The following TAF3 variants were observed in gnomAD, a reference collection of about 807,000 sequenced individuals.
The protein encoded by TAF3 is TATA-box binding protein associated factor 3, also known as transcription initiation factor TFIID subunit 3.
A neutral mutation model predicts 80.6 loss-of-function variants in TAF3; 7 were observed. The ratio of observed to expected loss-of-function variants is 0.09; its 90% CI spans 0.05 to 0.16. The LOEUF (loss-of-function observed/expected upper bound fraction) is 0.16, where lower values mean the gene tolerates loss of function less well. Among genes scored for constraint, TAF3 ranks in the 10% least tolerant of loss-of-function variants. The pLI is 1.00. For synonymous variants in TAF3, 444 were observed against 446.1 expected (o/e 1.00, Z 0.06); for missense variants, 921 against 1,140.2 (o/e 0.81, Z 2.77).
At chr10:7,835,846 T>G (rs1361849934) in intron 2 of TAF3, among the ~76,000 whole-genome samples, 3 of 152,220 alleles carry the variant, frequency 2.0e-5, no homozygotes, top group Admixed American at 1.3e-4. Flanking sequence ...GTCACCTGCA[T>G]GTATTTTGGC....
In TAF3 at chr10:8,014,777, G is replaced by C. The variant is rs754573761; in HGVS notation, c.*26G>C. On this transcript the variant is annotated 3_prime_UTR_variant, in exon 7 of 7. Transcript: ENST00000344293. The stretch of plus-strand genomic sequence containing the variant: ...CGACTCCCGAGGGGCTGGACCAAGC[G>C]GGGTCAGCCCGGGCTTCTTCCCTGG... 5.8e-6 allele frequency: 9 copies of C among 1,554,778 alleles called. No homozygotes were observed. The highest frequency in any genetic ancestry group is 6.1e-6 in the Non-Finnish European group (7 of 1,148,102).
chr10:7,981,089 G>C (rs570857258), intron 4 of TAF3, among the ~76,000 whole-genome samples: 1 of 152,184 alleles, frequency 6.6e-6, no homozygotes. Flanking sequence ...AGGTAAAGGA[G>C]CTTTGTGAGA....
chr10:7,940,635 A>G (rs1026145016), intron 2 of TAF3, among the ~76,000 whole-genome samples: 3 of 152,198 alleles, frequency 2.0e-5, no homozygotes, highest in Non-Finnish European at 2.9e-5. Flanking sequence ...TGTAAAGTAG[A>G]TAAGAAAAAA....
intron 2 of TAF3, among the ~76,000 whole-genome samples, chr10:7,887,733 G>C (rs1837421676): frequency 6.6e-6 from 1 of 151,914 alleles, no homozygotes; most frequent in Admixed American, 6.6e-5. Context: ...AATCGGGGGG[G>C]ATAAAGGAAA....
In TAF3 at chr10:7,897,658, CTCTT is replaced by C. The variant is rs756881657; in HGVS notation, c.410-66244_410-66241del. On this transcript the variant is annotated intron_variant, in intron 2 of 6. Coordinates refer to ENST00000344293, the MANE Select transcript of TAF3 (RefSeq NM_031923.4). Reference sequence around the variant, plus strand: ...CCTAGTTCCTATTCTCTCTCTCTCTCTCTTTCTTTCTTTCTTTCTTTTTTTTTTT... The same window carrying C: ...CCTAGTTCCTATTCTCTCTCTCTCTCTCTTTCTTTCTTTCTTTTTTTTTTT... Among the ~76,000 whole-genome samples the C allele has an allele frequency of 6.2e-3, 935 of 150,768 alleles. 4 individuals carry two copies. Among genetic ancestry groups the C allele is most frequent in the Non-Finnish European group, 9.8e-3 (662 of 67,702 alleles).
intron 2 of TAF3, among the ~76,000 whole-genome samples, chr10:7,961,713 T>C (rs1451191061): frequency 6.6e-6 from 1 of 152,200 alleles, no homozygotes; most frequent in Non-Finnish European, 1.5e-5. Flanking sequence ...AGCTGCCGAG[T>C]AGGCATTGCA....
At chr10:7,970,218 A>G (rs1166293272) in intron 3 of TAF3, among the ~76,000 whole-genome samples, 1 of 152,230 alleles carries the variant, frequency 6.6e-6, no homozygotes, top group African/African-American at 2.4e-5. Flanking sequence ...AACATTTTTT[A>G]TCCTGTTGAT....
chr10:7,880,703 AT>A (rs148420898), intron 2 of TAF3, among the ~76,000 whole-genome samples: 8 of 151,224 alleles, frequency 5.3e-5, no homozygotes, highest in African/African-American at 1.9e-4. Context: ...ATCTAGGTGG[AT>A]TTTTTTTTAG....
chr10:7,918,908 G>A (rs1397918342), intron 2 of TAF3, among the ~76,000 whole-genome samples: 2 of 152,146 alleles, frequency 1.3e-5, no homozygotes, highest in Non-Finnish European at 2.9e-5. Context: ...GCAAAATGAA[G>A]AGCAAGGAGG....
At chr10:7,919,761 A>T (rs1332815797) in intron 2 of TAF3, among the ~76,000 whole-genome samples, 1 of 151,922 alleles carries the variant, frequency 6.6e-6, no homozygotes, top group Non-Finnish European at 1.5e-5. Context: ...ATTATTTTTT[A>T]TTTTTTTCAA....
intron 2 of TAF3, among the ~76,000 whole-genome samples, chr10:7,897,354 A>C (rs1837514519): frequency 6.6e-6 from 1 of 152,246 alleles, no homozygotes; most frequent in Non-Finnish European, 1.5e-5. Context: ...AATTTTGAGC[A>C]AATTATTCCA....
chr10:7,842,418 C>A (rs752541604), intron 2 of TAF3, among the ~76,000 whole-genome samples: 19 of 151,976 alleles, frequency 1.3e-4, no homozygotes, highest in Non-Finnish European at 2.1e-4. Flanking sequence ...CGTTGGCCTC[C>A]CAAAGTGCTG....
intron 2 of TAF3, among the ~76,000 whole-genome samples, chr10:7,891,405 C>G (rs1044818698): frequency 6.6e-6 from 1 of 151,936 alleles, no homozygotes; most frequent in Non-Finnish European, 1.5e-5. Flanking sequence ...TTTTAAAAAA[C>G]TTAATATGAA....
At chr10:7,976,563 C>T (rs1344591583) in intron 3 of TAF3, among the ~76,000 whole-genome samples, 14 of 152,138 alleles carry the variant, frequency 9.2e-5, no homozygotes, top group African/African-American at 2.6e-4. Context: ...TACAGGCGCC[C>T]GCCACCACGC....
chr10:7,871,435 C>CTTTTTTTTTTTTTTTTTTTTTTTTT lies in TAF3; in HGVS notation c.409+46876_409+46900dup, dbSNP rs527356726. 2.8e-3 allele frequency among the ~76,000 whole-genome samples: 191 copies of CTTTTTTTTTTTTTTTTTTTTTTTTT among 69,112 alleles called. 15 individuals carry two copies. The highest frequency in any genetic ancestry group is 3.9e-3 in the Non-Finnish European group (134 of 34,652). The allele number at this position is 69,112 out of a possible 152,430, so 45.3% of individuals were successfully genotyped here. On this transcript the variant is annotated intron_variant, in intron 2 of 6. Transcript: ENST00000344293. ...CTAAATTGATGACAAATAACTGCTG[C>CTTTTTTTTTTTTTTTTTTTTTTTTT]TTTTTTTTTTTTTTTTTTTTTTTTT...
chr10:7,907,079 T>A (rs1371493342), intron 2 of TAF3, among the ~76,000 whole-genome samples: 1 of 152,124 alleles, frequency 6.6e-6, no homozygotes, highest in African/African-American at 2.4e-5. Context: ...TAGCTTTCTG[T>A]AGGATTGAAT....
Position 8,009,253 on chromosome 10 carries a change from C to T in TAF3, c.2491C>T (p.Pro831Ser), listed in dbSNP as rs1248538078. 6.5e-6 allele frequency: 10 copies of T among 1,536,110 alleles called. No individual in the cohort carries two copies. The highest frequency in any genetic ancestry group is 4.3e-5 in the African/African-American group (3 of 70,224). The change falls in exon 5 of 7, where the codon CCG becomes TCG. Residue 831 changes from proline to serine, a missense_variant. By Grantham distance (74) the Pro-to-Ser change is moderately conservative. Around this residue, in one of 6 missense-constraint regions of TAF3, gnomAD observed 743 missense variants for 821.0 expected, o/e 0.90. Coordinates refer to ENST00000344293, the MANE Select transcript of TAF3 (RefSeq NM_031923.4). The surrounding 1 kb of genome is among the most constrained non-coding windows in gnomAD (Gnocchi z 4.1). ...AAAGPALLPS[P>S]GPAASGASAK... Reference sequence around the variant, plus strand: ...CGCGGGCCCTGCCCTGCTGCCCTCCCCGGGTCCCGCCGCCTCCGGGGCCAG... The same window carrying T: ...CGCGGGCCCTGCCCTGCTGCCCTCCTCGGGTCCCGCCGCCTCCGGGGCCAG...
At chr10:7,958,861 A>G (rs535425823) in intron 2 of TAF3, among the ~76,000 whole-genome samples, 8 of 152,270 alleles carry the variant, frequency 5.3e-5, no homozygotes, top group East Asian at 3.9e-4. Context: ...TTGGCCGGGC[A>G]CGGTGGCTCA....
Position 7,964,769 on chromosome 10 carries a change from T to C in TAF3, c.1259T>C (p.Phe420Ser). The change falls in exon 3 of 7, where the codon TTT becomes TCT. Residue 420 changes from phenylalanine (F) to serine (S), a missense_variant. Coordinates refer to ENST00000344293, the MANE Select transcript of TAF3 (RefSeq NM_031923.4). This position sits in a 1 kb window ranked among gnomAD's most constrained non-coding sequence, Gnocchi z 4.1. ...GGATCGGAATCTGAAGGAGACATTT[T>C]TACTAGCCCTAAGAGAATTTCAGGC... ...SSGSESEGDI[F>S]TSPKRISGPE... 2 of 1,614,166 alleles carry C rather than the reference T, an allele frequency of 1.2e-6. No homozygotes were observed. Among genetic ancestry groups the C allele is most frequent in the Non-Finnish European group, 1.7e-6 (2 of 1,180,022 alleles).
Sources: allele counts gnomAD v4.1 joint callset (sites outside exome capture counted in the v4.1 genomes callset), GRCh38; gene constraint gnomAD v4.1.1; regional missense constraint gnomAD v4.1.1; non-coding constraint Gnocchi (gnomAD v3.1); transcripts MANE v1.5; gene names NCBI Gene and HGNC (gene_info 2026-07-23, HGNC 2026-07-21).